The following SPATA31H1 variants were observed in gnomAD, a reference collection of about 807,000 sequenced individuals.
The protein encoded by SPATA31H1 is spermatogenesis-associated protein 31H1.
At chr2:27,538,513 CAAA>C in the SPATA31H1 span, among the ~76,000 whole-genome samples, 1 of 152,044 alleles carries the variant, frequency 6.6e-6, no homozygotes, top group Non-Finnish European at 1.5e-5. Context: ...AGCGAGGAAA[CAAA>C]AATATCAGAG....
the SPATA31H1 span, chr2:27,572,736 C>G: frequency 2.5e-6 from 1 of 397,270 alleles, no homozygotes; most frequent in East Asian, 3.6e-5. Flanking sequence ...TCTTGGTTCA[C>G]AATCTCAAGG....
At chr2:27,582,293 A>G in the SPATA31H1 span, 48 of 1,613,634 alleles carry the variant, frequency 3.0e-5, no homozygotes, top group Non-Finnish European at 4.0e-5. Context: ...CCTGTGAGAG[A>G]ACCCGTCACA....
At chr2:27,580,670 A>C in the SPATA31H1 span, 1 of 1,614,214 alleles carries the variant, frequency 6.2e-7, no homozygotes, top group Non-Finnish European at 8.5e-7. Context: ...CAGCACACAG[A>C]GTTATAGCTT....
the SPATA31H1 span, chr2:27,579,363 A>C: frequency 8.1e-6 from 13 of 1,614,244 alleles, no homozygotes; most frequent in Non-Finnish European, 1.1e-5. Flanking sequence ...TTTATTTGGG[A>C]TTCCAGCTGA....
chr2:27,537,913 G>A, the SPATA31H1 span, among the ~76,000 whole-genome samples: 1 of 152,138 alleles, frequency 6.6e-6, no homozygotes, highest in Admixed American at 6.5e-5. Context: ...AATACCACCT[G>A]GGAGAGCTCA....
chr2:27,567,081 C>A, the SPATA31H1 span: 1 of 716,820 alleles, frequency 1.4e-6, no homozygotes, highest in African/African-American at 1.7e-5. Context: ...AGATCTTTCA[C>A]CCTTACAACC....
At chr2:27,581,378 T>A in the SPATA31H1 span, 2 of 1,613,262 alleles carry the variant, frequency 1.2e-6, no homozygotes, top group Admixed American at 3.3e-5. Flanking sequence ...CCAGTCCTTC[T>A]GAGAGAAGCT....
chr2:27,570,426 G>A, the SPATA31H1 span: 1 of 398,922 alleles, frequency 2.5e-6, no homozygotes, highest in Non-Finnish European at 4.4e-6. Context: ...GCTGCAAGGT[G>A]TCAATTCTGC....
chr2:27,561,461 T>C, the SPATA31H1 span, among the ~76,000 whole-genome samples: 1 of 152,246 alleles, frequency 6.6e-6, no homozygotes, highest in East Asian at 1.9e-4. Context: ...TTATCTCTTT[T>C]GTGTGTGTGG....
the SPATA31H1 span, chr2:27,567,172 G>A: frequency 1.5e-6 from 1 of 658,964 alleles, no homozygotes; most frequent in Non-Finnish European, 2.8e-6. Context: ...GAGAGAATGA[G>A]CAAGAGTCAT....
the SPATA31H1 span, among the ~76,000 whole-genome samples, chr2:27,561,770 C>G: frequency 6.6e-6 from 1 of 152,190 alleles, no homozygotes; most frequent in Admixed American, 6.5e-5. Flanking sequence ...GGTGTGATCT[C>G]AGCTCAAAGC....
chr2:27,581,403 C>T, the SPATA31H1 span: 2 of 1,613,484 alleles, frequency 1.2e-6, no homozygotes, highest in South Asian at 2.2e-5. Context: ...CAGTCCGTCT[C>T]AGAGAAATCA....
the SPATA31H1 span, among the ~76,000 whole-genome samples, chr2:27,559,729 G>C: frequency 6.6e-6 from 1 of 151,954 alleles, no homozygotes; most frequent in Admixed American, 6.5e-5. Flanking sequence ...ATCAATGCTA[G>C]TAAGCCCATC....
the SPATA31H1 span, among the ~76,000 whole-genome samples, chr2:27,540,335 T>TC: frequency 1.1e-5 from 1 of 90,512 alleles, no homozygotes; most frequent in South Asian, 5.5e-4. Context: ...CACTTCCCAG[T>TC]AGGGGCGGCC....
At chr2:27,582,399 T>C in the SPATA31H1 span, 1 of 1,614,192 alleles carries the variant, frequency 6.2e-7, no homozygotes, top group East Asian at 2.2e-5. Flanking sequence ...GGGACTCAAG[T>C]ACAGTTTCCC....
chr2:27,577,593 C>A, the SPATA31H1 span: 2 of 1,614,036 alleles, frequency 1.2e-6, no homozygotes. This position sits in a 1 kb window ranked among gnomAD's most constrained non-coding sequence, Gnocchi z 4.5. Flanking sequence ...AAAGTCATTA[C>A]ATCACGTCCC....
chr2:27,577,445 T>C, the SPATA31H1 span: 3 of 1,613,984 alleles, frequency 1.9e-6, no homozygotes, highest in Non-Finnish European at 2.5e-6. This position sits in a 1 kb window ranked among gnomAD's most constrained non-coding sequence, Gnocchi z 4.5. Flanking sequence ...ATGAATTCTT[T>C]GGAATGACCC....
the SPATA31H1 span, among the ~76,000 whole-genome samples, chr2:27,545,954 A>G: frequency 6.6e-6 from 1 of 151,968 alleles, no homozygotes; most frequent in Non-Finnish European, 1.5e-5. Flanking sequence ...GATAATGTGC[A>G]ACTTCTCATG....
the SPATA31H1 span, chr2:27,568,590 T>G: frequency 2.5e-6 from 1 of 398,866 alleles, no homozygotes; most frequent in Admixed American, 4.4e-5. Flanking sequence ...AGGTAGGAGA[T>G]CTGTTCATCT....
Sources: gnomAD v4.1 joint callset for allele counts (sites outside exome capture counted in the v4.1 genomes callset) on GRCh38, gnomAD v4.1.1 for gene constraint, Gnocchi (gnomAD v3.1) non-coding constraint, MANE v1.5 for transcripts, NCBI Gene and HGNC (gene_info 2026-07-23, HGNC 2026-07-21) for gene names.